DUSP13B: variants seen among roughly 807,000 people sequenced by gnomAD.
DUSP13B encodes the protein dual specificity phosphatase 13B.
the DUSP13B span, among the ~76,000 whole-genome samples, chr10:75,097,371 G>C: frequency 6.6e-6 from 1 of 152,088 alleles, no homozygotes; most frequent in African/African-American, 2.4e-5. Context: ...ACCACACCTG[G>C]CTAATTTTTT....
the DUSP13B span, among the ~76,000 whole-genome samples, chr10:75,107,011 G>A: frequency 3.6e-3 from 552 of 152,316 alleles, 1 homozygote; most frequent in Middle Eastern, 0.01. Flanking sequence ...TGTATCCTGA[G>A]TATTTGAAGA....
chr10:75,094,846 T>C, the DUSP13B span: 1 of 1,614,120 alleles, frequency 6.2e-7, no homozygotes, highest in East Asian at 2.2e-5. Context: ...GCAGAGCGGC[T>C]TACCCCCATG....
chr10:75,102,715 G>A, the DUSP13B span, among the ~76,000 whole-genome samples: 1 of 152,170 alleles, frequency 6.6e-6, no homozygotes, highest in Non-Finnish European at 1.5e-5. Context: ...CACTTTGGGA[G>A]GCCGAGGTGG....
the DUSP13B span, chr10:75,104,170 G>T: frequency 8.8e-7 from 1 of 1,140,524 alleles, no homozygotes; most frequent in Non-Finnish European, 1.2e-6. Flanking sequence ...TGTTGGGGCA[G>T]GGATAAGAGC....
the DUSP13B span, chr10:75,108,197 G>C: frequency 6.2e-7 from 1 of 1,604,844 alleles, no homozygotes; most frequent in Non-Finnish European, 8.5e-7. Context: ...CAAAGCGGTT[G>C]TTTGCCGTGG....
chr10:75,095,603 G>C, the DUSP13B span: 1 of 1,614,168 alleles, frequency 6.2e-7, no homozygotes, highest in Non-Finnish European at 8.5e-7. Flanking sequence ...CAGCTCGGAT[G>C]TATCGAGCAA....
chr10:75,103,618 C>T, the DUSP13B span, among the ~76,000 whole-genome samples: 1 of 152,204 alleles, frequency 6.6e-6, no homozygotes, highest in Non-Finnish European at 1.5e-5. Flanking sequence ...ATACTACTCC[C>T]CGCTTGCACT....
chr10:75,105,908 C>T, the DUSP13B span: 43 of 1,530,646 alleles, frequency 2.8e-5, no homozygotes, highest in Admixed American at 3.9e-5. Context: ...GTCCCACACA[C>T]CGGCCCACCC....
chr10:75,099,434 G>A, the DUSP13B span: 1 of 1,232,614 alleles, frequency 8.1e-7, no homozygotes, highest in Non-Finnish European at 1.0e-6. Flanking sequence ...CCTACCTGGG[G>A]CATGGCCTGG....
the DUSP13B span, among the ~76,000 whole-genome samples, chr10:75,102,962 C>T: frequency 6.6e-6 from 1 of 151,976 alleles, no homozygotes; most frequent in Non-Finnish European, 1.5e-5. Context: ...CCAAAAAAAA[C>T]ATTAGCTGGT....
At chr10:75,096,947 G>T in the DUSP13B span, among the ~76,000 whole-genome samples, 2 of 152,132 alleles carry the variant, frequency 1.3e-5, no homozygotes, top group Non-Finnish European at 2.9e-5. Flanking sequence ...TTGAGCAAAT[G>T]ATCCCAGGCA....
At chr10:75,096,958 C>T in the DUSP13B span, among the ~76,000 whole-genome samples, 1 of 152,126 alleles carries the variant, frequency 6.6e-6, no homozygotes, top group Non-Finnish European at 1.5e-5. Flanking sequence ...ATCCCAGGCA[C>T]AAAACACACA....
At chr10:75,108,160 C>A in the DUSP13B span, 1 of 1,612,606 alleles carries the variant, frequency 6.2e-7, no homozygotes, top group Non-Finnish European at 8.5e-7. Context: ...GCGTTCAGCA[C>A]GTGGGTGATG....
the DUSP13B span, among the ~76,000 whole-genome samples, chr10:75,108,549 G>A: frequency 5.3e-5 from 8 of 152,044 alleles, no homozygotes; most frequent in African/African-American, 9.7e-5. Context: ...ACGCATATCC[G>A]TCCTCTACTG....
the DUSP13B span, among the ~76,000 whole-genome samples, chr10:75,099,912 G>A: frequency 2.6e-5 from 4 of 152,178 alleles, no homozygotes; most frequent in Admixed American, 6.5e-5. Flanking sequence ...TGAGAGAGGA[G>A]TGTCTGGATA....
chr10:75,095,777 C>T, the DUSP13B span: 249 of 1,614,036 alleles, frequency 1.5e-4, no homozygotes, highest in Non-Finnish European at 1.9e-4. Flanking sequence ...TCAGCTTGCT[C>T]TTGTCCCGGG....
the DUSP13B span, among the ~76,000 whole-genome samples, chr10:75,095,083 G>A: frequency 2.6e-5 from 4 of 152,182 alleles, no homozygotes; most frequent in Non-Finnish European, 4.4e-5. Flanking sequence ...GTTAGCAGCC[G>A]GGATTTCCTT....
the DUSP13B span, among the ~76,000 whole-genome samples, chr10:75,096,786 G>A: frequency 6.6e-6 from 1 of 151,990 alleles, no homozygotes; most frequent in South Asian, 2.1e-4. Context: ...ATATTACTAG[G>A]ATCACTGTTC....
chr10:75,096,186 C>T, the DUSP13B span, among the ~76,000 whole-genome samples: 2 of 152,066 alleles, frequency 1.3e-5, no homozygotes, highest in Non-Finnish European at 2.9e-5. Context: ...ACCCAGGAGG[C>T]GGAGGTTGCA....
Sources: allele counts gnomAD v4.1 joint callset (sites outside exome capture counted in the v4.1 genomes callset), GRCh38; gene constraint gnomAD v4.1.1; transcripts MANE v1.5; gene names NCBI Gene and HGNC (gene_info 2026-07-23, HGNC 2026-07-21).